The following THSD7A variants were observed in gnomAD, a reference collection of about 807,000 sequenced individuals.
THSD7A encodes thrombospondin type-1 domain-containing protein 7A.
THSD7A carries 96 observed loss-of-function variants against 231.3 expected under a neutral mutation model. That is an observed-to-expected ratio of 0.41 (90% CI 0.35 to 0.49). The LOEUF is 0.49. Among genes scored for constraint, THSD7A ranks in the 20% least tolerant of loss-of-function variants. The pLI is 0.05. For missense variants in THSD7A, 2,290 were observed against 2,070.2 expected (o/e 1.11, Z -2.06); for synonymous variants, 940 against 743.3 (o/e 1.26, Z -4.30).
intron 1 of THSD7A, among the ~76,000 whole-genome samples, chr7:11,672,439 G>C (rs1198371705): frequency 6.6e-6 from 1 of 151,642 alleles, no homozygotes; most frequent in African/African-American, 2.4e-5. Flanking sequence ...TATCTCAGTG[G>C]ATTATGTTCT....
chr7:11,602,017 C>CT (rs943625793), intron 2 of THSD7A, among the ~76,000 whole-genome samples: 11 of 152,218 alleles, frequency 7.2e-5, no homozygotes, highest in African/African-American at 2.4e-4. Context: ...AGAGCAACTG[C>CT]TTTTTTAGCC....
At chr7:11,586,941 A>T (rs571858227) in intron 4 of THSD7A, among the ~76,000 whole-genome samples, 2 of 152,172 alleles carry the variant, frequency 1.3e-5, no homozygotes, top group Non-Finnish European at 2.9e-5. Flanking sequence ...CAATATCCAG[A>T]TTTTAGTGTG....
chr7:11,567,717 A>G (rs1583990549), intron 4 of THSD7A, among the ~76,000 whole-genome samples: 1 of 152,124 alleles, frequency 6.6e-6, no homozygotes, highest in East Asian at 1.9e-4. Context: ...CAGTGAAGAG[A>G]TAAGATTGCA....
At chr7:11,567,358 C>T (rs1033073749) in intron 4 of THSD7A, among the ~76,000 whole-genome samples, 2 of 152,104 alleles carry the variant, frequency 1.3e-5, no homozygotes, top group Non-Finnish European at 2.9e-5. Context: ...CTCACTGTCA[C>T]GAGAACAGCA....
chr7:11,499,748 G>C (rs2128309843), intron 6 of THSD7A, among the ~76,000 whole-genome samples: 1 of 152,226 alleles, frequency 6.6e-6, no homozygotes, highest in South Asian at 2.1e-4. Context: ...TGTGAAATAA[G>C]ACAGTCAGAC....
intron 1 of THSD7A, among the ~76,000 whole-genome samples, chr7:11,717,795 T>C (rs1057508723): frequency 6.6e-6 from 1 of 151,632 alleles, no homozygotes; most frequent in Non-Finnish European, 1.5e-5. Flanking sequence ...TTTTTGGTCC[T>C]TTCCCTGCTC....
At chr7:11,483,912 T>C (rs1336509915) in intron 6 of THSD7A, among the ~76,000 whole-genome samples, 3 of 152,188 alleles carry the variant, frequency 2.0e-5, no homozygotes, top group Non-Finnish European at 4.4e-5. Context: ...TTAGATTAGC[T>C]TGCCTAGCGT....
chr7:11,675,383 C>T (rs1027115486), intron 1 of THSD7A, among the ~76,000 whole-genome samples: 6 of 152,064 alleles, frequency 3.9e-5, no homozygotes, highest in African/African-American at 1.4e-4. Flanking sequence ...TTTTTCATAC[C>T]CCAGTGGCAC....
At chr7:11,504,777 C>T (rs6961449) in intron 6 of THSD7A, among the ~76,000 whole-genome samples, 43,247 of 151,820 alleles carry the variant, frequency 0.28, 6,363 homozygotes, top group South Asian at 0.42. Flanking sequence ...TTGCCTGATA[C>T]ATTTGCATGA....
At chr7:11,648,745 G>A (rs1167839036) in intron 1 of THSD7A, among the ~76,000 whole-genome samples, 3 of 151,594 alleles carry the variant, frequency 2.0e-5, no homozygotes, top group Non-Finnish European at 4.4e-5. Context: ...CAAATCCTAA[G>A]TGTCTGTGCT....
intron 1 of THSD7A, among the ~76,000 whole-genome samples, chr7:11,809,777 T>C (rs1784481923): frequency 6.6e-6 from 1 of 152,154 alleles, no homozygotes; most frequent in Non-Finnish European, 1.5e-5. Flanking sequence ...ATACAAATGT[T>C]CATTGGTTTT....
At chr7:11,823,954 T>C (rs1784950094) in intron 1 of THSD7A, among the ~76,000 whole-genome samples, 1 of 151,612 alleles carries the variant, frequency 6.6e-6, no homozygotes, top group African/African-American at 2.4e-5. Context: ...TAAACAGTAG[T>C]GTTTTTTAAA....
At chr7:11,382,710 A>G (rs1397763247) in intron 23 of THSD7A, 94 bp from the exon 24 acceptor site, 2 of 964,358 alleles carry the variant, frequency 2.1e-6, no homozygotes, top group East Asian at 2.6e-5. Flanking sequence ...CTGAAAAGTA[A>G]TAAGCTCATC....
chr7:11,798,537 T>A (rs984509657), intron 1 of THSD7A, among the ~76,000 whole-genome samples: 1 of 151,608 alleles, frequency 6.6e-6, no homozygotes, highest in Non-Finnish European at 1.5e-5. Context: ...ATAAAAATTG[T>A]ACAAAACATG....
chr7:11,401,256 A>C (rs1053706538), intron 23 of THSD7A, among the ~76,000 whole-genome samples: 2 of 152,156 alleles, frequency 1.3e-5, no homozygotes, highest in Admixed American at 6.5e-5. Context: ...TAATTATCTC[A>C]GCCTTCTTGA....
chr7:11,623,790 T>C (rs1478258871), intron 2 of THSD7A, among the ~76,000 whole-genome samples: 2 of 152,130 alleles, frequency 1.3e-5, no homozygotes, highest in African/African-American at 4.8e-5. Context: ...CAGTTGTTAG[T>C]ATCATGAAAG....
chr7:11,800,776 T>C (rs754997260), intron 1 of THSD7A, among the ~76,000 whole-genome samples: 8 of 152,140 alleles, frequency 5.3e-5, no homozygotes, highest in Non-Finnish European at 1.0e-4. Context: ...GTTTCTATTA[T>C]GCAAGATGAG....
intron 1 of THSD7A, among the ~76,000 whole-genome samples, chr7:11,766,768 T>C (rs919348510): frequency 2.6e-5 from 4 of 152,084 alleles, no homozygotes; most frequent in Non-Finnish European, 5.9e-5. Flanking sequence ...AGGACTCAGA[T>C]TGGTGGAGAA....
chr7:11,601,352 A>G (rs1259205699), intron 2 of THSD7A, among the ~76,000 whole-genome samples: 4 of 152,126 alleles, frequency 2.6e-5, no homozygotes, highest in Non-Finnish European at 4.4e-5. Flanking sequence ...TTGTTACTAG[A>G]TTATATTGTT....
Sources: gnomAD v4.1 joint callset for allele counts (sites outside exome capture counted in the v4.1 genomes callset) on GRCh38, gnomAD v4.1.1 for gene constraint, MANE v1.5 for transcripts, NCBI Gene and HGNC (gene_info 2026-07-23, HGNC 2026-07-21) for gene names.